CSMD1: variants seen among roughly 807,000 people sequenced by gnomAD.
The protein encoded by CSMD1 is CUB and Sushi multiple domains 1.
Under a neutral mutation model 417.5 loss-of-function variants are expected in CSMD1, and 213 were observed. That is an observed-to-expected ratio of 0.51 (90% CI 0.46 to 0.57). The LOEUF (loss-of-function observed/expected upper bound fraction) is 0.57, where lower values mean the gene tolerates loss of function less well. Ranked by LOEUF, CSMD1 falls within the 20% of genes least tolerant of loss-of-function variation. CSMD1 has a pLI of 0.00. For missense variants in CSMD1, 6,923 were observed against 4,529.7 expected (o/e 1.53, Z -15.17); for synonymous variants, 2,862 against 1,736.8 (o/e 1.65, Z -16.11).
intron 46 of CSMD1, 111 bp downstream of exon 46, chr8:3,106,417 A>C (rs1170776162): frequency 9.5e-6 from 6 of 629,346 alleles, no homozygotes; most frequent in Non-Finnish European, 1.6e-5. Context: ...TAAATAAATA[A>C]TAAACAAATA....
At chr8:2,999,930 T>G in intron 53 of CSMD1, 28 bp downstream of exon 53, 1 of 1,578,380 alleles carries the variant, frequency 6.3e-7, no homozygotes, top group South Asian at 1.2e-5. Context: ...GAAGCATCGA[T>G]GAATTCGTCC....
At chr8:4,598,242 T>G (rs1800385639) in intron 2 of CSMD1, among the ~76,000 whole-genome samples, 1 of 152,164 alleles carries the variant, frequency 6.6e-6, no homozygotes, top group Non-Finnish European at 1.5e-5. Context: ...CCAATCTAAT[T>G]TATGCCACAC....
chr8:4,803,329 T>C (rs1174982121), intron 1 of CSMD1, among the ~76,000 whole-genome samples: 3 of 152,164 alleles, frequency 2.0e-5, no homozygotes, highest in Admixed American at 2.0e-4. Context: ...TTCATGGAAA[T>C]AAGCCTTCGA....
At chr8:4,108,384 C>A (rs1048981429) in intron 3 of CSMD1, among the ~76,000 whole-genome samples, 2 of 152,170 alleles carry the variant, frequency 1.3e-5, no homozygotes, top group Non-Finnish European at 2.9e-5. Flanking sequence ...GTATCAAGAA[C>A]TACTCTCGAC....
At chr8:4,381,749 T>G (rs1484484444) in intron 3 of CSMD1, among the ~76,000 whole-genome samples, 1 of 152,106 alleles carries the variant, frequency 6.6e-6, no homozygotes, top group Non-Finnish European at 1.5e-5. Context: ...CGATGCTATG[T>G]TTTTTTGTTT....
intron 1 of CSMD1, among the ~76,000 whole-genome samples, chr8:4,942,761 G>A (rs969401626): frequency 9.9e-5 from 15 of 152,160 alleles, no homozygotes; most frequent in African/African-American, 3.6e-4. Flanking sequence ...AGGGAGAAAT[G>A]ACATACACAG....
chr8:3,225,490 G>C (rs1008244875), intron 27 of CSMD1, among the ~76,000 whole-genome samples: 17 of 152,062 alleles, frequency 1.1e-4, no homozygotes, highest in Admixed American at 1.0e-3. Context: ...GCTGCTGACA[G>C]CATCGAGCAG....
At chr8:4,845,307 G>C (rs1457345598) in intron 1 of CSMD1, among the ~76,000 whole-genome samples, 1 of 152,152 alleles carries the variant, frequency 6.6e-6, no homozygotes, top group African/African-American at 2.4e-5. Flanking sequence ...CTGTTAATGT[G>C]CTGGTTGTTT....
At chr8:4,054,431 T>C (rs542434450) in intron 3 of CSMD1, among the ~76,000 whole-genome samples, 79 of 152,160 alleles carry the variant, frequency 5.2e-4, no homozygotes, top group African/African-American at 1.8e-3. Context: ...ACCCCTAAAC[T>C]CTTGTATGGG....
chr8:3,372,632 C>G (rs968514635), intron 18 of CSMD1, among the ~76,000 whole-genome samples: 11 of 152,054 alleles, frequency 7.2e-5, no homozygotes, highest in African/African-American at 2.7e-4. Context: ...AGTTCATAAC[C>G]TGAGTGTGAA....
At chr8:3,323,061 C>T (rs1273147799) in intron 23 of CSMD1, among the ~76,000 whole-genome samples, 1 of 152,104 alleles carries the variant, frequency 6.6e-6, no homozygotes. Context: ...CATCACTGTC[C>T]TATAAATTAT....
chr8:4,460,955 G>C (rs536531262), intron 2 of CSMD1, among the ~76,000 whole-genome samples: 1 of 152,214 alleles, frequency 6.6e-6, no homozygotes, highest in Non-Finnish European at 1.5e-5. Context: ...GCCAGACATA[G>C]TTATAGATAG....
At chr8:3,135,390 G>A (rs1008798751) in intron 41 of CSMD1, among the ~76,000 whole-genome samples, 1 of 152,102 alleles carries the variant, frequency 6.6e-6, no homozygotes, top group Non-Finnish European at 1.5e-5. Context: ...CCTTCTTAAA[G>A]GAACTGGCTT....
At chr8:4,665,935 T>C (rs1804889743) in intron 1 of CSMD1, among the ~76,000 whole-genome samples, 1 of 152,220 alleles carries the variant, frequency 6.6e-6, no homozygotes, top group Admixed American at 6.5e-5. Context: ...ACCCAAATGT[T>C]TGCCAACATG....
chr8:4,278,670 C>G (rs576278868), intron 3 of CSMD1, among the ~76,000 whole-genome samples: 27 of 152,172 alleles, frequency 1.8e-4, no homozygotes, highest in Non-Finnish European at 2.8e-4. Flanking sequence ...TATTAACATA[C>G]CGAACAGTCT....
chr8:3,346,289 T>G (rs1173967995), intron 22 of CSMD1, among the ~76,000 whole-genome samples: 2 of 152,232 alleles, frequency 1.3e-5, no homozygotes, highest in Non-Finnish European at 2.9e-5. Flanking sequence ...TCCATTGCAA[T>G]AATATTTATC....
intron 3 of CSMD1, among the ~76,000 whole-genome samples, chr8:4,173,576 C>A (rs1369699569): frequency 6.6e-6 from 1 of 151,992 alleles, no homozygotes; most frequent in Non-Finnish European, 1.5e-5. Flanking sequence ...AATGATGTAA[C>A]AATATGATTC....
intron 18 of CSMD1, among the ~76,000 whole-genome samples, chr8:3,384,225 G>C (rs73173169): frequency 0.18 from 26,866 of 152,018 alleles, 2,353 homozygotes; most frequent in Middle Eastern, 0.24. Flanking sequence ...TTGTCTGAGA[G>C]ATAGTCTAAA....
At chr8:4,744,281 A>G (rs1810811746) in intron 1 of CSMD1, among the ~76,000 whole-genome samples, 1 of 152,100 alleles carries the variant, frequency 6.6e-6, no homozygotes, top group African/African-American at 2.4e-5. Flanking sequence ...TTGCCTTTTT[A>G]ATGTAACTTC....
Sources: allele counts gnomAD v4.1 joint callset (sites outside exome capture counted in the v4.1 genomes callset), GRCh38; gene constraint gnomAD v4.1.1; transcripts MANE v1.5; gene names NCBI Gene and HGNC (gene_info 2026-07-23, HGNC 2026-07-21).